The following CHODL variants were observed in gnomAD, a reference collection of about 807,000 sequenced individuals.
CHODL encodes the protein chondrolectin.
A neutral mutation model predicts 34.5 loss-of-function variants in CHODL; 29 were observed. That is an observed-to-expected ratio of 0.84 (90% CI 0.63 to 1.15). CHODL has a LOEUF of 1.15. Ranked by LOEUF, CHODL falls within the 50% of genes most tolerant of loss-of-function variation. The pLI, the probability that CHODL is intolerant of heterozygous loss-of-function variation, is 0.00. For synonymous variants in CHODL, 125 were observed against 116.1 expected (o/e 1.08, Z -0.49); for missense variants, 332 against 332.5 (o/e 1.00, Z 0.01).
chr21:17,969,350 GAAGAA>G (rs919879552), intron 1 of CHODL, among the ~76,000 whole-genome samples: 1 of 152,032 alleles, frequency 6.6e-6, no homozygotes, highest in African/African-American at 2.4e-5. Context: ...TAAATATATA[GAAGAA>G]AAGAAAAGAG....
chr21:17,945,209 T>TAAAAA (rs71189571), intron 1 of CHODL, among the ~76,000 whole-genome samples: 6 of 139,888 alleles, frequency 4.3e-5, no homozygotes, highest in African/African-American at 1.1e-4. Context: ...GAGACTCTGT[T>TAAAAA]AAAAAAAAAA....
intron 1 of CHODL, among the ~76,000 whole-genome samples, chr21:17,926,713 G>T (rs1202222912): frequency 6.6e-6 from 1 of 152,024 alleles, no homozygotes; most frequent in Non-Finnish European, 1.5e-5. Context: ...CTTGACACGT[G>T]GATTATAGGG....
chr21:18,265,669 T>C (rs558158480), intron 5 of CHODL, among the ~76,000 whole-genome samples: 2 of 152,184 alleles, frequency 1.3e-5, no homozygotes, highest in African/African-American at 4.8e-5. Context: ...CCATAACCTA[T>C]GGAAATAAAA....
At chr21:18,055,371 G>A (rs549749596) in intron 2 of CHODL, among the ~76,000 whole-genome samples, 5 of 151,936 alleles carry the variant, frequency 3.3e-5, no homozygotes, top group Admixed American at 1.3e-4. Flanking sequence ...TCCTGACTTC[G>A]TATAAGTTAT....
chr21:18,008,598 A>C (rs1349809194), intron 1 of CHODL, among the ~76,000 whole-genome samples: 1 of 152,154 alleles, frequency 6.6e-6, no homozygotes, highest in Non-Finnish European at 1.5e-5. Flanking sequence ...GGAATCCTGC[A>C]GTATTTGTCC....
At chr21:18,012,775 T>C (rs116060569) in intron 1 of CHODL, among the ~76,000 whole-genome samples, 189 of 152,316 alleles carry the variant, frequency 1.2e-3, no homozygotes, top group African/African-American at 4.5e-3. Context: ...CAGAAGAGAA[T>C]TCGTGAACAT....
At chr21:18,256,487 G>T in intron 1 of CHODL, 22 bp from the exon 2 acceptor site, 1 of 1,547,588 alleles carries the variant, frequency 6.5e-7, no homozygotes, top group South Asian at 1.2e-5. Context: ...TCAATATATG[G>T]GCATCTTTTT....
intron 1 of CHODL, among the ~76,000 whole-genome samples, chr21:17,984,559 T>C (rs2063739105): frequency 6.6e-6 from 1 of 152,126 alleles, no homozygotes; most frequent in Non-Finnish European, 1.5e-5. Flanking sequence ...GTACATGACT[T>C]TTTTTAATTA....
intron 2 of CHODL, among the ~76,000 whole-genome samples, chr21:18,175,866 TGAAA>T (rs34896269): frequency 0.58 from 88,538 of 151,474 alleles, 29,693 homozygotes; most frequent in Non-Finnish European, 0.78. Flanking sequence ...AAGAAAGGCA[TGAAA>T]GAAAGACCCT....
chr21:17,933,812 G>C (rs1056402054), intron 1 of CHODL, among the ~76,000 whole-genome samples: 1 of 152,054 alleles, frequency 6.6e-6, no homozygotes, highest in Non-Finnish European at 1.5e-5. Flanking sequence ...AGGCCAAGGT[G>C]GGTGCATCAT....
At chr21:18,196,334 G>C (rs2150383) in intron 2 of CHODL, among the ~76,000 whole-genome samples, 1 of 151,972 alleles carries the variant, frequency 6.6e-6, no homozygotes, top group Non-Finnish European at 1.5e-5. Flanking sequence ...TTAAGATAAA[G>C]TGAAGAGATA....
At chr21:18,093,245 C>T (rs564106658) in intron 2 of CHODL, among the ~76,000 whole-genome samples, 15 of 152,160 alleles carry the variant, frequency 9.9e-5, no homozygotes, top group Non-Finnish European at 2.2e-4. Flanking sequence ...AGTGAAATAT[C>T]CTTTAAGCAT....
chr21:17,964,788 A>G (rs1240173061), intron 1 of CHODL, among the ~76,000 whole-genome samples: 2 of 152,136 alleles, frequency 1.3e-5, no homozygotes, highest in Non-Finnish European at 2.9e-5. Context: ...TGCTTGATTT[A>G]TTTCTGGTTT....
At chr21:17,978,616 G>A (rs140811690) in intron 1 of CHODL, among the ~76,000 whole-genome samples, 1,899 of 151,876 alleles carry the variant, frequency 0.013, 40 homozygotes, top group African/African-American at 0.043. Flanking sequence ...TACTCGGGAG[G>A]CGGAGGCAGG....
chr21:18,044,438 A>ATT (rs200299346), intron 2 of CHODL, among the ~76,000 whole-genome samples: 44 of 152,006 alleles, frequency 2.9e-4, no homozygotes, highest in African/African-American at 1.1e-3. Context: ...AAAAATCTTT[A>ATT]TTTTTTTAAC....
chr21:18,013,338 CG>C (rs11336899), intron 1 of CHODL, among the ~76,000 whole-genome samples: 152,078 of 152,078 alleles, frequency 1, 76,039 homozygotes, highest in Non-Finnish European at 1. Context: ...GTTGTCTGCC[CG>C]TGGTCATTCA....
rs149372667 is a variant in CHODL at position 17,919,412 on chromosome 21, C to T, written c.-145+2012C>T. Reference sequence around the variant, plus strand: ...CTCTGTGCACCTGCAGACTCAATACCACGTGGAAGCTACCAAGGTTTGGGA... The same window carrying T: ...CTCTGTGCACCTGCAGACTCAATACTACGTGGAAGCTACCAAGGTTTGGGA... On this transcript the variant is annotated intron_variant, in intron 1 of 6. Transcript: ENST00000400127. Among the ~76,000 whole-genome samples the T allele has an allele frequency of 7.7e-3, 1,165 of 152,260 alleles. 16 individuals carry two copies. The highest frequency in any genetic ancestry group is 0.026 in the African/African-American group (1,077 of 41,546).
At chr21:18,108,335 T>G (rs1172700708) in intron 2 of CHODL, among the ~76,000 whole-genome samples, 1 of 152,170 alleles carries the variant, frequency 6.6e-6, no homozygotes, top group Non-Finnish European at 1.5e-5. Context: ...GGGAGTGACA[T>G]GCCCTCAATG....
In CHODL at chr21:18,188,529, C is replaced by T. The variant is rs142242312; in HGVS notation, c.-44-67980C>T. 7.4e-3 allele frequency among the ~76,000 whole-genome samples: 1,127 copies of T among 152,178 alleles called. 30 individuals carry two copies. Among genetic ancestry groups the T allele is most frequent in the Non-Finnish European group, 6.4e-3 (434 of 68,008 alleles). The stretch of plus-strand genomic sequence containing the variant: ...AATAGAAATCTTTATTGATGATTAA[C>T]GAAAGATAAAAGAAGGAAGTAGTGC... On this transcript the variant is annotated intron_variant, in intron 2 of 6. Coordinates refer to the CHODL transcript ENST00000400127.
Sources: allele counts gnomAD v4.1 joint callset (sites outside exome capture counted in the v4.1 genomes callset), GRCh38; gene constraint gnomAD v4.1.1; transcripts MANE v1.5; gene names NCBI Gene and HGNC (gene_info 2026-07-23, HGNC 2026-07-21).